The following RCAN2 variants were observed in gnomAD, a reference collection of about 807,000 sequenced individuals.
RCAN2 encodes regulator of calcineurin 2, also known as calcipressin-2.
A neutral mutation model predicts 23.6 loss-of-function variants in RCAN2; 9 were observed. The observed-to-expected ratio is 0.38, with a 90% CI of 0.23 to 0.67. The LOEUF (loss-of-function observed/expected upper bound fraction) is 0.67, where lower values mean the gene tolerates loss of function less well. Among genes scored for constraint, RCAN2 ranks in the 30% least tolerant of loss-of-function variants. RCAN2 has a pLI of 0.51. For missense variants in RCAN2, 273 were observed against 302.3 expected, an observed-to-expected ratio of 0.90 and a Z score of 0.72; for synonymous variants, 109 against 115.7, an observed-to-expected ratio of 0.94 and a Z score of 0.37.
chr6:46,225,391 T>A (rs1257395242), intron 4 of RCAN2, among the ~76,000 whole-genome samples: 1 of 152,242 alleles, frequency 6.6e-6, no homozygotes, highest in Non-Finnish European at 1.5e-5. Context: ...TAGTTTACAG[T>A]CCCACCAACA....
At chr6:46,233,075 G>A (rs985176210) in intron 4 of RCAN2, among the ~76,000 whole-genome samples, 5 of 152,142 alleles carry the variant, frequency 3.3e-5, no homozygotes, top group African/African-American at 1.2e-4. Context: ...GATGGAAGCT[G>A]AGAATGCATA....
chr6:46,314,496 T>C (rs77037937), intron 2 of RCAN2, among the ~76,000 whole-genome samples: 1 of 151,074 alleles, frequency 6.6e-6, no homozygotes, highest in Admixed American at 6.6e-5. Flanking sequence ...TAGGATAAGA[T>C]GCCTCCTAAG....
chr6:46,425,285 A>G (rs995061429), intron 2 of RCAN2, among the ~76,000 whole-genome samples: 1 of 152,262 alleles, frequency 6.6e-6, no homozygotes, highest in African/African-American at 2.4e-5. Context: ...ACAGGAATGC[A>G]CAAAAGCTCA....
chr6:46,294,861 C>A (rs942600600), intron 2 of RCAN2, among the ~76,000 whole-genome samples: 6 of 152,122 alleles, frequency 3.9e-5, no homozygotes, highest in African/African-American at 7.2e-5. Flanking sequence ...AGTATGAGCA[C>A]ATACCACTTT....
intron 2 of RCAN2, among the ~76,000 whole-genome samples, chr6:46,250,089 C>T (rs1187517201): frequency 6.6e-6 from 1 of 152,180 alleles, no homozygotes; most frequent in Non-Finnish European, 1.5e-5. Context: ...CATGGTCTCT[C>T]TCAAGACTTT....
At chr6:46,340,951 T>A (rs565936301) in intron 2 of RCAN2, among the ~76,000 whole-genome samples, 21 of 152,294 alleles carry the variant, frequency 1.4e-4, no homozygotes, top group Admixed American at 1.0e-3. Flanking sequence ...GCCATATCAT[T>A]ATTTGATGGA....
chr6:46,342,115 A>T (rs1280348960), intron 2 of RCAN2, among the ~76,000 whole-genome samples: 2 of 152,168 alleles, frequency 1.3e-5, no homozygotes, highest in Middle Eastern at 3.2e-3. Flanking sequence ...GTAGTGTTAG[A>T]GTGTCAAGAG....
chr6:46,459,837 A>G (rs185237903), intron 1 of RCAN2, among the ~76,000 whole-genome samples: 1 of 152,316 alleles, frequency 6.6e-6, no homozygotes, highest in Admixed American at 6.5e-5. Flanking sequence ...AATATGTAAT[A>G]TGCAGTTTTG....
At chr6:46,307,431 G>A (rs1763106867) in intron 2 of RCAN2, among the ~76,000 whole-genome samples, 1 of 152,114 alleles carries the variant, frequency 6.6e-6, no homozygotes, top group Non-Finnish European at 1.5e-5. Context: ...GCTGAAGAGT[G>A]TATGTGAGGG....
intron 4 of RCAN2, among the ~76,000 whole-genome samples, chr6:46,231,630 G>A (rs1017241988): frequency 2.6e-5 from 4 of 152,056 alleles, no homozygotes; most frequent in Non-Finnish European, 5.9e-5. Context: ...GGCTGGTCTC[G>A]AACTCCTGAT....
At chr6:46,297,069 GA>G (rs1351934469) in intron 2 of RCAN2, among the ~76,000 whole-genome samples, 1 of 152,094 alleles carries the variant, frequency 6.6e-6, no homozygotes, top group African/African-American at 2.4e-5. Context: ...CCGCTTCAGA[GA>G]ACTTTATGAT....
intron 2 of RCAN2, among the ~76,000 whole-genome samples, chr6:46,299,112 A>T (rs1445111137): frequency 6.6e-6 from 1 of 152,004 alleles, no homozygotes; most frequent in African/African-American, 2.4e-5. Context: ...GTGGGGGAAG[A>T]ATAGGAGGGG....
chr6:46,427,249 A>G (rs1267381821), intron 2 of RCAN2, among the ~76,000 whole-genome samples: 1 of 152,170 alleles, frequency 6.6e-6, no homozygotes, highest in Non-Finnish European at 1.5e-5. Flanking sequence ...TACTTTGTTC[A>G]CTTAGTGTGC....
intron 2 of RCAN2, among the ~76,000 whole-genome samples, chr6:46,348,572 G>C (rs1232185096): frequency 6.6e-6 from 1 of 152,108 alleles, no homozygotes; most frequent in Non-Finnish European, 1.5e-5. Flanking sequence ...CTGTCTATGG[G>C]AATCAGGGTT....
intron 2 of RCAN2, among the ~76,000 whole-genome samples, chr6:46,276,094 T>C (rs1246797111): frequency 6.6e-6 from 1 of 152,150 alleles, no homozygotes; most frequent in Non-Finnish European, 1.5e-5. Context: ...TAGTGCCAGC[T>C]ACTCGGGAGG....
intron 2 of RCAN2, among the ~76,000 whole-genome samples, chr6:46,329,600 C>A (rs1404929186): frequency 6.6e-6 from 1 of 152,002 alleles, no homozygotes; most frequent in African/African-American, 2.4e-5. Flanking sequence ...AATAGAGGTG[C>A]CTCCTAGATC....
At chr6:46,360,688 C>T (rs1764984852) in intron 2 of RCAN2, among the ~76,000 whole-genome samples, 1 of 151,690 alleles carries the variant, frequency 6.6e-6, no homozygotes, top group Non-Finnish European at 1.5e-5. Context: ...GGTACAAAAA[C>T]AAGTGGATAC....
intron 1 of RCAN2, among the ~76,000 whole-genome samples, chr6:46,461,575 CTTTTTTTTCTTTTT>C (rs1286636835): frequency 3.2e-5 from 4 of 124,628 alleles, no homozygotes; most frequent in South Asian, 2.6e-4. Context: ...CTGTGGCTTT[CTTTTTTTTCTTTTT>C]TTTTTTTTCT....
chr6:46,317,099 T>C (rs1243204376), intron 2 of RCAN2, among the ~76,000 whole-genome samples: 1 of 152,184 alleles, frequency 6.6e-6, no homozygotes, highest in Non-Finnish European at 1.5e-5. Context: ...CAATGGAAAA[T>C]GCTTGGTGAC....
Sources: gnomAD v4.1 joint callset for allele counts (sites outside exome capture counted in the v4.1 genomes callset) on GRCh38, gnomAD v4.1.1 for gene constraint, MANE v1.5 for transcripts, NCBI Gene and HGNC (gene_info 2026-07-23, HGNC 2026-07-21) for gene names.